Variants in ASB3 observed in about 807,000 individuals in gnomAD.
ASB3 encodes ankyrin repeat and SOCS box containing 3.
Under a neutral mutation model 54.5 loss-of-function variants are expected in ASB3, and 41 were observed. The observed-to-expected ratio is 0.75, with a 90% CI of 0.59 to 0.98. ASB3 has a LOEUF of 0.98. Ranked by LOEUF, ASB3 falls within the 50% of genes least tolerant of loss-of-function variation. The pLI is 0.00. For missense variants in ASB3, 733 were observed against 620.0 expected, an observed-to-expected ratio of 1.18 and a Z score of -1.94; for synonymous variants, 266 against 221.2, an observed-to-expected ratio of 1.20 and a Z score of -1.80.
At chr2:53,730,097 G>A (rs1307599820) in intron 3 of ASB3, among the ~76,000 whole-genome samples, 3 of 152,120 alleles carry the variant, frequency 2.0e-5, no homozygotes, top group Non-Finnish European at 4.4e-5. Flanking sequence ...TCTTACTTAT[G>A]TGAACTAAAA....
chr2:53,760,168 G>A (rs536249726), intron 2 of ASB3, among the ~76,000 whole-genome samples: 1 of 152,212 alleles, frequency 6.6e-6, no homozygotes, highest in South Asian at 2.1e-4. Context: ...AGCAGGGGCC[G>A]TTATACACTA....
chr2:53,759,225 T>C (rs1187163973), intron 2 of ASB3, among the ~76,000 whole-genome samples: 2 of 152,138 alleles, frequency 1.3e-5, no homozygotes, highest in Non-Finnish European at 2.9e-5. Flanking sequence ...ACATGGAGAT[T>C]GGTGCCGCAG....
chr2:53,724,534 G>C (rs962884921), intron 5 of ASB3, among the ~76,000 whole-genome samples: 1 of 152,044 alleles, frequency 6.6e-6, no homozygotes, highest in African/African-American at 2.4e-5. Flanking sequence ...AGGAGGCAGA[G>C]GTTGCAGTGA....
intron 2 of ASB3, among the ~76,000 whole-genome samples, chr2:53,756,234 G>A (rs1212266109): frequency 2.0e-5 from 3 of 152,046 alleles, no homozygotes; most frequent in Non-Finnish European, 4.4e-5. Context: ...GGGAAATCCT[G>A]CCTGTCTAAC....
At chr2:53,726,679 CATATAT>C (rs917452912) in intron 5 of ASB3, among the ~76,000 whole-genome samples, 2 of 150,132 alleles carry the variant, frequency 1.3e-5, no homozygotes, top group Non-Finnish European at 3.0e-5. Context: ...TATATATACA[CATATAT>C]ATATATAGTT....
intron 7 of ASB3, among the ~76,000 whole-genome samples, chr2:53,708,214 A>G (rs1264605521): frequency 6.6e-6 from 1 of 151,914 alleles, no homozygotes; most frequent in Non-Finnish European, 1.5e-5. Context: ...TTCTTGTGAG[A>G]GCTAGTTGTT....
At chr2:53,733,656 G>A (rs1159742029) in intron 3 of ASB3, among the ~76,000 whole-genome samples, 1 of 152,056 alleles carries the variant, frequency 6.6e-6, no homozygotes, top group Non-Finnish European at 1.5e-5. Context: ...TGGCCAGGCT[G>A]GTCTTGAACT....
chr2:53,683,879 G>C (rs562158132), intron 9 of ASB3, among the ~76,000 whole-genome samples: 2 of 151,988 alleles, frequency 1.3e-5, no homozygotes, highest in East Asian at 3.9e-4. Flanking sequence ...CGTTAGTTTT[G>C]TGTATATTTT....
At chr2:53,766,210 CATG>C (rs768469730) in intron 1 of ASB3, among the ~76,000 whole-genome samples, 14 of 152,090 alleles carry the variant, frequency 9.2e-5, no homozygotes, top group Non-Finnish European at 1.6e-4. Flanking sequence ...CAGAGAACAC[CATG>C]AAGAGATGAG....
intron 9 of ASB3, among the ~76,000 whole-genome samples, chr2:53,679,659 ACT>A (rs1223824472): frequency 1.3e-5 from 2 of 152,004 alleles, no homozygotes; most frequent in African/African-American, 4.8e-5. Context: ...CAAAAAGAAA[ACT>A]CTGCCACAAC....
intron 7 of ASB3, among the ~76,000 whole-genome samples, chr2:53,710,490 T>C (rs1450168385): frequency 2.0e-5 from 3 of 152,254 alleles, no homozygotes; most frequent in Non-Finnish European, 2.9e-5. Context: ...CTGGCATCTA[T>C]TAATTGCTTT....
At chr2:53,702,787 T>C (rs1230095589) in intron 7 of ASB3, among the ~76,000 whole-genome samples, 1 of 151,998 alleles carries the variant, frequency 6.6e-6, no homozygotes, top group Non-Finnish European at 1.5e-5. Context: ...TAAGAGAAAA[T>C]TCAACATGAA....
chr2:53,678,357 C>T lies in ASB3; in HGVS notation c.1370-7667G>A, dbSNP rs116518843. Among the ~76,000 whole-genome samples the T allele has an allele frequency of 2.1e-3, 320 of 152,292 alleles. 1 individual carries two copies. Among genetic ancestry groups the T allele is most frequent in the African/African-American group, 5.0e-3 (206 of 41,576 alleles). On this transcript the variant is annotated intron_variant, in intron 9 of 9. Coordinates refer to ENST00000263634, the MANE Select transcript of ASB3 (RefSeq NM_016115.5). ...ACCCAGGTGGTCATCATTTTTATCACATAACATGCCTGGTAAATAACAAGA... is the reference window on the plus strand; with the variant it reads ...ACCCAGGTGGTCATCATTTTTATCATATAACATGCCTGGTAAATAACAAGA...
At chr2:53,765,659 G>C in intron 1 of ASB3, 74 bp from the exon 2 acceptor site, 1 of 1,560,034 alleles carries the variant, frequency 6.4e-7, no homozygotes, top group Non-Finnish European at 8.8e-7. Flanking sequence ...AGCAAATCAC[G>C]GTGGGCCTGT....
At chr2:53,678,126 A>G (rs1226217153) in intron 9 of ASB3, among the ~76,000 whole-genome samples, 15 of 136,678 alleles carry the variant, frequency 1.1e-4, no homozygotes. Context: ...ATCATCTCAT[A>G]TAGTTACCTT....
intron 3 of ASB3, among the ~76,000 whole-genome samples, chr2:53,736,655 C>T (rs533566492): frequency 1.3e-5 from 2 of 149,876 alleles, no homozygotes; most frequent in South Asian, 2.1e-4. Context: ...GCCGAAATCG[C>T]GCCACTACAC....
At chr2:53,679,643 C>T (rs1230880277) in intron 9 of ASB3, among the ~76,000 whole-genome samples, 1 of 152,156 alleles carries the variant, frequency 6.6e-6, no homozygotes, top group African/African-American at 2.4e-5. Flanking sequence ...CAAGCTCCTC[C>T]CATCTCAAAA....
At chr2:53,694,512 C>T (rs1669084900) in intron 8 of ASB3, 1 of 152,380 alleles carries the variant, frequency 6.6e-6, no homozygotes, top group Admixed American at 6.5e-5. Context: ...AGAACCTTCC[C>T]CCCATTATAA....
chr2:53,706,906 T>C (rs1315284458), intron 7 of ASB3, among the ~76,000 whole-genome samples: 1 of 152,202 alleles, frequency 6.6e-6, no homozygotes. Flanking sequence ...GCTCAAGTGT[T>C]GAGCTAACAA....
Sources: allele counts gnomAD v4.1 joint callset (sites outside exome capture counted in the v4.1 genomes callset), GRCh38; gene constraint gnomAD v4.1.1; transcripts MANE v1.5; gene names NCBI Gene and HGNC (gene_info 2026-07-23, HGNC 2026-07-21).